CADM2: variants seen among roughly 807,000 people sequenced by gnomAD.
The protein encoded by CADM2 is immunoglobulin superfamily member 4D.
A neutral mutation model predicts 49.8 loss-of-function variants in CADM2; 12 were observed. The observed-to-expected ratio is 0.24, with a 90% CI of 0.15 to 0.39. The LOEUF is 0.39. Ranked by LOEUF, CADM2 falls within the 10% of genes least tolerant of loss-of-function variation. CADM2 has a pLI of 1.00. For synonymous variants in CADM2, 214 were observed against 175.4 expected, an observed-to-expected ratio of 1.22 and a Z score of -1.74; for missense variants, 378 against 492.3, an observed-to-expected ratio of 0.77 and a Z score of 2.20.
At chr3:85,832,071 A>G (rs1342190146) in intron 3 of CADM2, among the ~76,000 whole-genome samples, 7 of 151,898 alleles carry the variant, frequency 4.6e-5, no homozygotes, top group Admixed American at 3.3e-4. Flanking sequence ...TCACAGCATC[A>G]TTTACTGATT....
At chr3:85,067,264 G>T (rs1269868075) in intron 1 of CADM2, among the ~76,000 whole-genome samples, 2 of 151,058 alleles carry the variant, frequency 1.3e-5, no homozygotes, top group East Asian at 3.9e-4. Context: ...TGGAAGTAAT[G>T]CACATCTAAT....
chr3:85,432,452 G>T lies in CADM2; in HGVS notation c.62-294070G>T, dbSNP rs185721694. Reference sequence around the variant, plus strand: ...GTACATAAACAAAAGTTTTAAGTGGGTCCCTCCACCCTCAAATCGTGAGAA... The same window carrying T: ...GTACATAAACAAAAGTTTTAAGTGGTTCCCTCCACCCTCAAATCGTGAGAA... On this transcript the variant is annotated intron_variant, in intron 1 of 9. Coordinates refer to ENST00000383699, the MANE Select transcript of CADM2 (RefSeq NM_001167675.2). 7.1e-4 allele frequency among the ~76,000 whole-genome samples: 108 copies of T among 152,152 alleles called. 1 individual carries two copies. The highest frequency in any genetic ancestry group is 2.4e-3 in the African/African-American group (99 of 41,522).
chr3:85,963,939 G>A (rs2108622043), intron 8 of CADM2, among the ~76,000 whole-genome samples: 1 of 151,914 alleles, frequency 6.6e-6, no homozygotes, highest in South Asian at 2.1e-4. Context: ...GGTTTACCTA[G>A]GATTATTGAC....
intron 1 of CADM2, among the ~76,000 whole-genome samples, chr3:85,475,200 G>T (rs2038928614): frequency 6.6e-6 from 1 of 151,888 alleles, no homozygotes; most frequent in Admixed American, 6.6e-5. Context: ...GGAATAGTGA[G>T]CATAAAATTC....
rs1202824919 is a variant in CADM2 at position 86,072,510 on chromosome 3, A to C, written c.*5727A>C. ...TTTGAAGATTGCAGGGGCAAAACAA[A>C]AACCTACCAGGGCTCAGCACTTAAG... On this transcript the variant is annotated 3_prime_UTR_variant, in exon 10 of 10. Transcript: ENST00000383699. 1 of 152,054 alleles carries C rather than the reference A, an allele frequency of 6.6e-6. No individual in the cohort carries two copies. 9.4% of individuals were successfully genotyped at this position (152,054 alleles called of 1,614,324 possible).
chr3:85,008,161 G>A (rs1452179315), intron 1 of CADM2, among the ~76,000 whole-genome samples: 3 of 152,122 alleles, frequency 2.0e-5, no homozygotes, highest in Non-Finnish European at 4.4e-5. Context: ...GTCTACTTCT[G>A]TTAGTTTTCA....
At chr3:85,023,355 T>C (rs1381397173) in intron 1 of CADM2, among the ~76,000 whole-genome samples, 1 of 152,108 alleles carries the variant, frequency 6.6e-6, no homozygotes, top group Non-Finnish European at 1.5e-5. Flanking sequence ...GTCTTCTATC[T>C]TATCAAACAT....
rs1474214984 is a variant in CADM2, at chr3:85,176,272, C to G, written c.61+216604C>G. On this transcript the variant is annotated intron_variant, in intron 1 of 9. Coordinates refer to ENST00000383699, the MANE Select transcript of CADM2 (RefSeq NM_001167675.2). ...TACATGCACTTCCAGCAGCCATACC[C>G]TCTCACCAACTCATAAATATTATCT... 1.3e-5 allele frequency among the ~76,000 whole-genome samples: 2 copies of G among 152,124 alleles called. 1 individual carries two copies.
At position 85,206,607 on chromosome 3, in the gene CADM2, G is replaced by A. The variant is rs374043880; in HGVS notation, c.61+246939G>A. 2.3e-3 allele frequency among the ~76,000 whole-genome samples: 349 copies of A among 151,954 alleles called. 2 individuals carry two copies. The highest frequency in any genetic ancestry group is 7.9e-3 in the African/African-American group (329 of 41,494). The stretch of plus-strand genomic sequence containing the variant: ...CAGGCGTGAGCCACCGCGCCCGGCC[G>A]AATTTAGGTCATTCTATGAGCTGAT... On this transcript the variant is annotated intron_variant, in intron 1 of 9. Transcript: ENST00000383699.
chr3:85,732,800 A>G (rs1159299575), intron 2 of CADM2, among the ~76,000 whole-genome samples: 1 of 152,194 alleles, frequency 6.6e-6, no homozygotes. Context: ...AATGAAGCAG[A>G]GTTAAGAAAT....
At chr3:85,721,545 A>G (rs1487985793) in intron 1 of CADM2, among the ~76,000 whole-genome samples, 3 of 152,152 alleles carry the variant, frequency 2.0e-5, no homozygotes, top group Non-Finnish European at 4.4e-5. Flanking sequence ...GACACTGTGC[A>G]CAGTCAGACA....
intron 1 of CADM2, among the ~76,000 whole-genome samples, chr3:85,086,163 A>T (rs1233775025): frequency 6.6e-6 from 1 of 152,172 alleles, no homozygotes; most frequent in South Asian, 2.1e-4. Flanking sequence ...AAGATGTGAT[A>T]CTAAGATACT....
At chr3:85,845,524 T>C (rs544302242) in intron 3 of CADM2, among the ~76,000 whole-genome samples, 43 of 152,306 alleles carry the variant, frequency 2.8e-4, no homozygotes, top group Admixed American at 5.2e-4. Context: ...TTTAAGATTG[T>C]TCATTCATGA....
intron 1 of CADM2, among the ~76,000 whole-genome samples, chr3:85,109,386 A>G (rs1372865033): frequency 6.6e-6 from 1 of 151,026 alleles, no homozygotes; most frequent in African/African-American, 2.4e-5. Flanking sequence ...GAAAGAGAGG[A>G]GAGAGAGAGA....
In CADM2 at chr3:85,005,649, C is replaced by T. The variant is rs7642731; in HGVS notation, c.61+45981C>T. 6.4e-3 allele frequency among the ~76,000 whole-genome samples: 972 copies of T among 151,606 alleles called. 16 individuals are homozygous for T. Among genetic ancestry groups the T allele is most frequent in the African/African-American group, 0.022 (929 of 41,300 alleles). ...AATAGAACGTGCAGAGATGGAATAACGTGAGTTGTTTTACCAAGAAGCAGA... is the reference window on the plus strand; with the variant it reads ...AATAGAACGTGCAGAGATGGAATAATGTGAGTTGTTTTACCAAGAAGCAGA... On this transcript the variant is annotated intron_variant, in intron 1 of 9. Transcript: ENST00000383699.
chr3:85,671,396 C>A (rs1324123755), intron 1 of CADM2, among the ~76,000 whole-genome samples: 1 of 152,132 alleles, frequency 6.6e-6, no homozygotes, highest in Non-Finnish European at 1.5e-5. Context: ...GAGCAACAAA[C>A]CTGTTTTCCA....
intron 6 of CADM2, among the ~76,000 whole-genome samples, chr3:85,931,384 A>G (rs1177424629): frequency 3.9e-5 from 6 of 152,166 alleles, no homozygotes; most frequent in Non-Finnish European, 8.8e-5. Context: ...CCGAGGCTGC[A>G]GTGAGCTGTG....
chr3:85,931,269 G>C (rs1027455721), intron 6 of CADM2, among the ~76,000 whole-genome samples: 3 of 151,746 alleles, frequency 2.0e-5, no homozygotes, highest in Non-Finnish European at 4.4e-5. Flanking sequence ...GAAAAAGAAA[G>C]AGAGAGCAAG....
chr3:85,395,154 C>T (rs949142197), intron 1 of CADM2, among the ~76,000 whole-genome samples: 1 of 151,450 alleles, frequency 6.6e-6, no homozygotes, highest in African/African-American at 2.4e-5. Context: ...TAAATTTAGC[C>T]AGGTGTATTG....
Sources: allele counts gnomAD v4.1 joint callset (sites outside exome capture counted in the v4.1 genomes callset), GRCh38; gene constraint gnomAD v4.1.1; transcripts MANE v1.5; gene names NCBI Gene and HGNC (gene_info 2026-07-23, HGNC 2026-07-21).